KIAA0232: variants seen among roughly 807,000 people sequenced by gnomAD.
The protein encoded by KIAA0232 is uncharacterized protein KIAA0232.
In KIAA0232, 27 loss-of-function variants were observed where a neutral mutation model predicts 122.0. The ratio of observed to expected loss-of-function variants is 0.22; its 90% CI spans 0.16 to 0.31. The LOEUF (loss-of-function observed/expected upper bound fraction) is 0.31. KIAA0232 is among the 10% of genes least tolerant of loss of function. The probability of loss-of-function intolerance (pLI) is 1.00; values close to 1 mark genes in which losing one functional copy is unlikely to be tolerated. For missense variants in KIAA0232, 1,551 were observed against 1,634.2 expected (o/e 0.95, Z 0.88); for synonymous variants, 613 against 587.6 (o/e 1.04, Z -0.63).
At chr4:6,806,138 G>A (rs948353838) in intron 2 of KIAA0232, among the ~76,000 whole-genome samples, 2 of 152,008 alleles carry the variant, frequency 1.3e-5, no homozygotes, top group Non-Finnish European at 2.9e-5. Context: ...AGGTAAAAAA[G>A]GCATTTTTTT....
chr4:6,784,267 G>A (rs1450151642), intron 1 of KIAA0232, among the ~76,000 whole-genome samples: 1 of 152,120 alleles, frequency 6.6e-6, no homozygotes, highest in African/African-American at 2.4e-5. Flanking sequence ...TTTAAAAACT[G>A]TTAGAAAGCT....
intron 4 of KIAA0232, among the ~76,000 whole-genome samples, chr4:6,854,653 C>T (rs1248089231): frequency 6.6e-6 from 1 of 152,100 alleles, no homozygotes; most frequent in Non-Finnish European, 1.5e-5. Flanking sequence ...TAACGGTTTG[C>T]AGAGTGTTTT....
chr4:6,807,937 G>A (rs192451666), intron 2 of KIAA0232, among the ~76,000 whole-genome samples: 2 of 152,270 alleles, frequency 1.3e-5, no homozygotes, highest in South Asian at 2.1e-4. Flanking sequence ...GTGTGGTGAT[G>A]TGCACCTGTA....
At chr4:6,869,128 T>G (rs1039209321) in intron 7 of KIAA0232, among the ~76,000 whole-genome samples, 22 of 152,294 alleles carry the variant, frequency 1.4e-4, no homozygotes, top group African/African-American at 5.1e-4. Context: ...TAAACTCGTC[T>G]TGGTTCATGC....
intron 2 of KIAA0232, among the ~76,000 whole-genome samples, chr4:6,815,001 GTCCTTTTCT>G: frequency 6.6e-6 from 1 of 151,852 alleles, no homozygotes; most frequent in Non-Finnish European, 1.5e-5. Context: ...TGATTTGAAG[GTCCTTTTCT>G]CTTGGCACAA....
rs772600274 is a variant in KIAA0232, at chr4:6,862,737, A to T, written c.2355A>T (p.Thr785=). 19 of 1,611,826 alleles carry T rather than the reference A, an allele frequency of 1.2e-5. No individual in the cohort carries two copies. The highest frequency in any genetic ancestry group is 1.6e-5 in the Non-Finnish European group (19 of 1,179,494). The part of the protein sequence containing the change: ...GEIPTLVFKK[T]SKLESVCGIQ... ...TTCCTACATTAGTTTTCAAAAAAAC[A>T]TCTAAACTAGAATCCGTCTGTGGTA... is the stretch of plus-strand genomic sequence containing the variant. The change falls in exon 7 of 10, where the codon ACA becomes ACT. Residue 785 remains threonine, a synonymous_variant. Transcript: ENST00000307659.
intron 8 of KIAA0232, among the ~76,000 whole-genome samples, chr4:6,874,708 C>A (rs991469791): frequency 3.9e-5 from 6 of 152,136 alleles, no homozygotes; most frequent in Middle Eastern, 3.2e-3. Flanking sequence ...CTGACTGAGC[C>A]TTTCTGTGCC....
intron 5 of KIAA0232, 22 bp downstream of exon 5, chr4:6,857,252 G>GTGC: frequency 6.3e-7 from 1 of 1,597,240 alleles, no homozygotes; most frequent in South Asian, 1.1e-5. Flanking sequence ...AGCACTGTGC[G>GTGC]CACACATGCC....
intron 1 of KIAA0232, among the ~76,000 whole-genome samples, chr4:6,802,781 C>A (rs1343537878): frequency 6.6e-6 from 1 of 151,776 alleles, no homozygotes; most frequent in Non-Finnish European, 1.5e-5. Context: ...GTAAGGAGCA[C>A]AGAGGAATGA....
chr4:6,807,081 T>TC (rs59003526), intron 2 of KIAA0232, among the ~76,000 whole-genome samples: 68 of 144,948 alleles, frequency 4.7e-4, no homozygotes, highest in Middle Eastern at 3.5e-3. Flanking sequence ...TATCTATCTA[T>TC]TTAAGACAGG....
intron 4 of KIAA0232, among the ~76,000 whole-genome samples, chr4:6,846,158 C>G (rs1327281833): frequency 6.6e-6 from 1 of 151,624 alleles, no homozygotes; most frequent in Non-Finnish European, 1.5e-5. Flanking sequence ...AAAATCTCAC[C>G]AAATTAAAAT....
chr4:6,792,292 G>T (rs759560751), intron 1 of KIAA0232, among the ~76,000 whole-genome samples: 1 of 152,002 alleles, frequency 6.6e-6, no homozygotes, highest in Non-Finnish European at 1.5e-5. Flanking sequence ...GAGTTTCCAG[G>T]TTTTTGTTAT....
At chr4:6,840,717 CA>C (rs1719603843) in intron 3 of KIAA0232, among the ~76,000 whole-genome samples, 1 of 150,712 alleles carries the variant, frequency 6.6e-6, no homozygotes, top group Non-Finnish European at 1.5e-5. Context: ...TATGTATAAG[CA>C]GACTTTTTTT....
At chr4:6,798,718 A>G (rs1393013392) in intron 1 of KIAA0232, among the ~76,000 whole-genome samples, 1 of 151,934 alleles carries the variant, frequency 6.6e-6, no homozygotes, top group Non-Finnish European at 1.5e-5. Context: ...TGCCCAATTA[A>G]TTTTTTATTT....
rs1323847069 is a variant in KIAA0232, at chr4:6,855,762, C to T, written c.370-1402C>T. ...TCAGTGTTCTGCATTGCGAGACTAGCCCTAGGTTTAGAAACCTAGTGACAT... is the reference window on the plus strand; with the variant it reads ...TCAGTGTTCTGCATTGCGAGACTAGTCCTAGGTTTAGAAACCTAGTGACAT... On this transcript the variant is annotated intron_variant, in intron 4 of 9. Coordinates refer to ENST00000307659, the MANE Select transcript of KIAA0232 (RefSeq NM_014743.3). This position sits in a 1 kb window ranked among gnomAD's most constrained non-coding sequence, Gnocchi z 4.3. The T allele has an allele frequency of 1.4e-6, 1 of 730,650 alleles. No homozygotes were observed. Among genetic ancestry groups the T allele is most frequent in the Admixed American group, 6.3e-5 (1 of 15,966 alleles). The allele number at this position is 730,650 out of a possible 1,614,324, so 45.3% of individuals were successfully genotyped here. A position where few individuals can be genotyped will look rare whatever the true frequency, so the allele number is the denominator to read the frequency against.
At chr4:6,857,036 A>C (rs757656443) in intron 4 of KIAA0232, 128 bp from the exon 5 acceptor site, 1 of 569,638 alleles carries the variant, frequency 1.8e-6, no homozygotes, top group Non-Finnish European at 2.9e-6. Context: ...ATTCACGTAA[A>C]TATTGGTAAG....
intron 3 of KIAA0232, among the ~76,000 whole-genome samples, chr4:6,835,961 T>TA (rs1460762216): frequency 6.6e-6 from 1 of 152,228 alleles, no homozygotes; most frequent in Admixed American, 6.5e-5. Context: ...TAGCATGATT[T>TA]ATAATCCTTT....
At chr4:6,790,813 C>T (rs1051742483) in intron 1 of KIAA0232, among the ~76,000 whole-genome samples, 1 of 151,586 alleles carries the variant, frequency 6.6e-6, no homozygotes, top group Non-Finnish European at 1.5e-5. Context: ...TTCCTTGCCA[C>T]TGCTTTCTTT....
intron 1 of KIAA0232, among the ~76,000 whole-genome samples, chr4:6,800,230 G>T (rs1717328321): frequency 6.7e-6 from 1 of 148,398 alleles, no homozygotes; most frequent in Non-Finnish European, 1.5e-5. Flanking sequence ...GCCAATTTTT[G>T]TATTTTTAGT....
Sources: allele counts gnomAD v4.1 joint callset (sites outside exome capture counted in the v4.1 genomes callset), GRCh38; gene constraint gnomAD v4.1.1; non-coding constraint Gnocchi (gnomAD v3.1); transcripts MANE v1.5; gene names NCBI Gene and HGNC (gene_info 2026-07-23, HGNC 2026-07-21).